Variants in STXBP5L observed in about 807,000 individuals in gnomAD.
STXBP5L encodes the protein syntaxin binding protein 5L, also known as syntaxin-binding protein 5-like.
STXBP5L carries 65 observed loss-of-function variants against 144.5 expected under a neutral mutation model. The observed-to-expected ratio is 0.45, with a 90% CI of 0.37 to 0.55. The LOEUF is 0.55. STXBP5L is among the 20% of genes least tolerant of loss of function. The pLI, the probability that STXBP5L is intolerant of heterozygous loss-of-function variation, is 0.00. For synonymous variants in STXBP5L, 505 were observed against 469.6 expected, an observed-to-expected ratio of 1.08 and a Z score of -0.97; for missense variants, 1,298 against 1,405.5, an observed-to-expected ratio of 0.92 and a Z score of 1.22.
intron 3 of STXBP5L, among the ~76,000 whole-genome samples, chr3:120,976,281 A>T (rs971132744): frequency 6.6e-6 from 1 of 152,112 alleles, no homozygotes; most frequent in African/African-American, 2.4e-5. Context: ...GGGAGGGTGT[A>T]TGTGTCCAGG....
At chr3:121,367,172 C>T (rs1005494536) in intron 20 of STXBP5L, among the ~76,000 whole-genome samples, 1 of 152,146 alleles carries the variant, frequency 6.6e-6, no homozygotes, top group Admixed American at 6.5e-5. Flanking sequence ...TGGTTACAAA[C>T]CATTGTTCCA....
chr3:121,188,499 C>A (rs372005961), intron 9 of STXBP5L, among the ~76,000 whole-genome samples: 13 of 147,040 alleles, frequency 8.8e-5, no homozygotes, highest in African/African-American at 1.0e-4. Context: ...AGAGACACAG[C>A]AAAAAAAAAA....
At chr3:120,957,676 T>C (rs1243328980) in intron 3 of STXBP5L, among the ~76,000 whole-genome samples, 1 of 152,044 alleles carries the variant, frequency 6.6e-6, no homozygotes, top group Non-Finnish European at 1.5e-5. Flanking sequence ...CATAACGAAA[T>C]GAAGGTAGCA....
chr3:121,421,624 C>T lies in STXBP5L; in HGVS notation c.*2527C>T. 1 of 152,020 alleles carries T rather than the reference C, an allele frequency of 6.6e-6. No homozygotes were observed. The highest frequency in any genetic ancestry group is 1.5e-5 in the Non-Finnish European group (1 of 67,992). 9.4% of individuals were successfully genotyped at this position (152,020 alleles called of 1,614,324 possible). On this transcript the variant is annotated 3_prime_UTR_variant, in exon 27 of 27. Transcript: ENST00000471454. ...TGTCTTAGCAAGATAAATTATTATA[C>T]CCAAAATTACATGTGTGGTTCATAT... is the stretch of plus-strand genomic sequence containing the variant.
At chr3:121,297,879 T>C (rs1257501119) in intron 19 of STXBP5L, among the ~76,000 whole-genome samples, 3 of 152,198 alleles carry the variant, frequency 2.0e-5, no homozygotes, top group Admixed American at 2.0e-4. Flanking sequence ...AAATAAAATA[T>C]GTGAAATTAA....
intron 7 of STXBP5L, among the ~76,000 whole-genome samples, chr3:121,151,547 A>G (rs906795267): frequency 6.6e-6 from 1 of 152,102 alleles, no homozygotes. Flanking sequence ...CACCACCACT[A>G]TATTTTCTGT....
chr3:121,000,716 G>A (rs1523509), intron 3 of STXBP5L, among the ~76,000 whole-genome samples: 4 of 152,064 alleles, frequency 2.6e-5, no homozygotes, highest in Non-Finnish European at 5.9e-5. Context: ...CAGAGGTCTT[G>A]CACTGATTCT....
chr3:121,231,712 G>C (rs1386176524), intron 11 of STXBP5L, among the ~76,000 whole-genome samples: 1 of 152,174 alleles, frequency 6.6e-6, no homozygotes, highest in African/African-American at 2.4e-5. Flanking sequence ...CACCCAATGG[G>C]TTGGGTATCC....
chr3:121,368,663 A>C (rs542287280), intron 20 of STXBP5L, among the ~76,000 whole-genome samples: 1 of 151,842 alleles, frequency 6.6e-6, no homozygotes, highest in Admixed American at 6.6e-5. Flanking sequence ...GGTTTTATTT[A>C]TTAATTTGCT....
intron 3 of STXBP5L, among the ~76,000 whole-genome samples, chr3:120,976,157 G>C (rs890024588): frequency 1.3e-5 from 2 of 152,176 alleles, no homozygotes; most frequent in East Asian, 3.8e-4. Context: ...GAATTCGGCT[G>C]TGAATCCATC....
intron 2 of STXBP5L, among the ~76,000 whole-genome samples, chr3:120,910,518 G>T (rs1708774773): frequency 6.6e-6 from 1 of 151,912 alleles, no homozygotes. Context: ...TAATTTTATT[G>T]CCCTTTTTTG....
chr3:121,070,143 A>G (rs767764239), intron 5 of STXBP5L, among the ~76,000 whole-genome samples: 3 of 152,274 alleles, frequency 2.0e-5, no homozygotes, highest in Non-Finnish European at 4.4e-5. Context: ...ACATATGTCC[A>G]GAATTCTGAG....
In STXBP5L at chr3:121,308,350, T is replaced by A. The variant is rs535159737; in HGVS notation, c.2111-10125T>A. On this transcript the variant is annotated intron_variant, in intron 19 of 26. Coordinates refer to ENST00000471454, the MANE Select transcript of STXBP5L (RefSeq NM_001308330.2). ...TAGACATTGTCAGGTAAACAAAAAC[T>A]GAGAGAATTTATTACTAGCAGAGCC... Among the ~76,000 whole-genome samples the A allele has an allele frequency of 2.0e-5, 3 of 152,252 alleles. No homozygotes were observed. The South Asian group carries it at 6.2e-4, about 32-fold the overall frequency.
In STXBP5L at chr3:120,974,732, A is replaced by G. The variant is rs536067039; in HGVS notation, c.287+19695A>G. Among the ~76,000 whole-genome samples the G allele has an allele frequency of 2.7e-3, 415 of 152,280 alleles. 5 individuals carry two copies. The highest frequency in any genetic ancestry group is 9.6e-3 in the African/African-American group (399 of 41,554). ...ATTAATTTTTGTATAAGGTGTAAGGAAGAGATCCAGTTTCAGCTTTCTACA... is the reference window on the plus strand; with the variant it reads ...ATTAATTTTTGTATAAGGTGTAAGGGAGAGATCCAGTTTCAGCTTTCTACA... On this transcript the variant is annotated intron_variant, in intron 3 of 26. Transcript: ENST00000471454.
intron 3 of STXBP5L, among the ~76,000 whole-genome samples, chr3:120,997,856 C>T (rs1484172689): frequency 6.6e-6 from 1 of 152,110 alleles, no homozygotes; most frequent in Non-Finnish European, 1.5e-5. Flanking sequence ...AAACTGAATT[C>T]AGCGGCACAT....
intron 4 of STXBP5L, among the ~76,000 whole-genome samples, chr3:121,044,720 C>G (rs1947390759): frequency 6.6e-6 from 1 of 152,126 alleles, no homozygotes; most frequent in Non-Finnish European, 1.5e-5. Context: ...TATACAAAGT[C>G]ATACAAACAG....
chr3:121,206,186 T>C (rs2048330067), intron 10 of STXBP5L, among the ~76,000 whole-genome samples, 185 bp downstream of exon 10: 1 of 152,170 alleles, frequency 6.6e-6, no homozygotes. Context: ...TTATTATAAA[T>C]TACAAGTGTT....
At chr3:121,219,691 C>A (rs1226828624) in intron 10 of STXBP5L, among the ~76,000 whole-genome samples, 1 of 152,126 alleles carries the variant, frequency 6.6e-6, no homozygotes, top group African/African-American at 2.4e-5. Flanking sequence ...ATCTTTTAAT[C>A]TGTTCCTATT....
intron 5 of STXBP5L, among the ~76,000 whole-genome samples, chr3:121,046,764 C>T (rs1033984639): frequency 9.9e-5 from 15 of 151,900 alleles, no homozygotes; most frequent in Admixed American, 3.3e-4. Flanking sequence ...CTTTATTAGC[C>T]TAGCTAGTGG....
Sources: allele counts gnomAD v4.1 joint callset (sites outside exome capture counted in the v4.1 genomes callset), GRCh38; gene constraint gnomAD v4.1.1; transcripts MANE v1.5; gene names NCBI Gene and HGNC (gene_info 2026-07-23, HGNC 2026-07-21).